The following CFAP299 variants were observed in gnomAD, a reference collection of about 807,000 sequenced individuals.
CFAP299 encodes the protein cilia and flagella associated protein 299.
Under a neutral mutation model 27.0 loss-of-function variants are expected in CFAP299, and 21 were observed. The observed-to-expected ratio is 0.78, with a 90% CI of 0.55 to 1.12. CFAP299 has a LOEUF of 1.12. CFAP299 is among the 50% of genes most tolerant of loss of function. The pLI, the probability that CFAP299 is intolerant of heterozygous loss-of-function variation, is 0.00. For missense variants in CFAP299, 310 were observed against 276.6 expected (o/e 1.12, Z -0.86); for synonymous variants, 104 against 98.1 (o/e 1.06, Z -0.36).
chr4:80,323,204 G>A, the CFAP299 span, among the ~76,000 whole-genome samples: 2 of 152,200 alleles, frequency 1.3e-5, no homozygotes, highest in African/African-American at 2.4e-5. Flanking sequence ...CTCCTGAACA[G>A]TGATTGGAAG....
intron 2 of CFAP299, among the ~76,000 whole-genome samples, chr4:80,410,847 T>C (rs1297057890): frequency 6.6e-6 from 1 of 150,862 alleles, no homozygotes; most frequent in Non-Finnish European, 1.5e-5. Context: ...TGCTTGTCTG[T>C]TTTTTTTTCT....
At chr4:80,719,391 C>T (rs772193057) in intron 3 of CFAP299, among the ~76,000 whole-genome samples, 6 of 152,074 alleles carry the variant, frequency 3.9e-5, no homozygotes, top group Non-Finnish European at 7.4e-5. Flanking sequence ...ATTTTTGTTT[C>T]TCTTGGGTCT....
At chr4:80,839,240 C>A (rs1203141459) in intron 3 of CFAP299, among the ~76,000 whole-genome samples, 1 of 152,084 alleles carries the variant, frequency 6.6e-6, no homozygotes, top group Non-Finnish European at 1.5e-5. Flanking sequence ...AACTGATGAG[C>A]AGTATCACAT....
At position 80,498,982 on chromosome 4, in the gene CFAP299, A is replaced by G. The variant is rs530721441; in HGVS notation, c.243-84111A>G. On this transcript the variant is annotated intron_variant, in intron 2 of 5. Transcript: ENST00000358105. ...AGCTGGAGGCCATTATCCTAAGCAA[A>G]CTAATGCAGGAACAGAAAACAAAAC... Among the ~76,000 whole-genome samples the G allele has an allele frequency of 2.6e-4, 39 of 152,286 alleles. 1 individual carries two copies. The highest frequency in any genetic ancestry group is 8.9e-4 in the African/African-American group (37 of 41,556).
At chr4:80,592,757 T>G (rs1736849094) in intron 3 of CFAP299, among the ~76,000 whole-genome samples, 1 of 152,198 alleles carries the variant, frequency 6.6e-6, no homozygotes, top group Non-Finnish European at 1.5e-5. Context: ...AAGTAATATG[T>G]AACAGTTGTA....
intron 3 of CFAP299, among the ~76,000 whole-genome samples, chr4:80,801,830 C>T (rs1248139607): frequency 6.6e-6 from 1 of 152,072 alleles, no homozygotes; most frequent in Admixed American, 6.6e-5. Flanking sequence ...AAATTTAAAA[C>T]CCATTTTGCC....
At chr4:80,777,870 G>A (rs1248457645) in intron 3 of CFAP299, among the ~76,000 whole-genome samples, 1 of 152,062 alleles carries the variant, frequency 6.6e-6, no homozygotes, top group Non-Finnish European at 1.5e-5. Flanking sequence ...GAATAGATGA[G>A]ACAAGATTTA....
chr4:80,664,312 C>T (rs925584627), intron 3 of CFAP299, among the ~76,000 whole-genome samples: 8 of 152,136 alleles, frequency 5.3e-5, no homozygotes, highest in African/African-American at 1.2e-4. Flanking sequence ...CAGGCAGGAA[C>T]GTTTGAGTCT....
chr4:80,593,064 C>T (rs187731021), intron 3 of CFAP299, among the ~76,000 whole-genome samples: 2 of 152,194 alleles, frequency 1.3e-5, no homozygotes, highest in African/African-American at 4.8e-5. Context: ...CTTTTTCCCA[C>T]TATTTTGTCT....
At position 80,398,854 on chromosome 4, in the gene CFAP299, C is replaced by T. The variant is rs182434199; in HGVS notation, c.242+35970C>T. Among the ~76,000 whole-genome samples, 953 of 152,108 alleles carry T rather than the reference C, an allele frequency of 6.3e-3. 2 individuals carry two copies. Among genetic ancestry groups the T allele is most frequent in the Middle Eastern group, 0.024 (7 of 294 alleles). On this transcript the variant is annotated intron_variant, in intron 2 of 5. Transcript: ENST00000358105. ...AATTGACAAATGGGATCTAATGAAACGAAAGAGCTTCTGCACAGCAAAAGA... is the reference window on the plus strand; with the variant it reads ...AATTGACAAATGGGATCTAATGAAATGAAAGAGCTTCTGCACAGCAAAAGA...
intron 2 of CFAP299, among the ~76,000 whole-genome samples, chr4:80,498,890 T>C (rs910475219): frequency 5.3e-5 from 8 of 152,172 alleles, no homozygotes; most frequent in Non-Finnish European, 7.4e-5. Flanking sequence ...GTGGTACCTA[T>C]ACAACATGGA....
intron 3 of CFAP299, among the ~76,000 whole-genome samples, chr4:80,600,327 T>C (rs1262187003): frequency 6.6e-6 from 1 of 152,114 alleles, no homozygotes; most frequent in East Asian, 1.9e-4. Flanking sequence ...TTTTACCCTT[T>C]TGCTAAATCC....
At chr4:80,845,375 T>C (rs1471323181) in intron 3 of CFAP299, among the ~76,000 whole-genome samples, 1 of 152,118 alleles carries the variant, frequency 6.6e-6, no homozygotes, top group African/African-American at 2.4e-5. Flanking sequence ...TCAATGACTT[T>C]TATTGCATTT....
At chr4:80,811,528 A>G (rs1005087466) in intron 3 of CFAP299, among the ~76,000 whole-genome samples, 22 of 152,130 alleles carry the variant, frequency 1.4e-4, no homozygotes, top group African/African-American at 5.3e-4. Context: ...CACGGGTTTG[A>G]TCTCCTTTAT....
chr4:80,951,327 A>C (rs1330065983), intron 5 of CFAP299, among the ~76,000 whole-genome samples: 1 of 152,178 alleles, frequency 6.6e-6, no homozygotes, highest in Non-Finnish European at 1.5e-5. Context: ...GAGTGTCACA[A>C]GGTTTGGAAG....
chr4:80,446,184 G>A (rs1290160175), intron 2 of CFAP299, among the ~76,000 whole-genome samples: 1 of 152,162 alleles, frequency 6.6e-6, no homozygotes, highest in African/African-American at 2.4e-5. Flanking sequence ...ATCAGTGAAG[G>A]CCTCAGCCAA....
At chr4:80,838,091 A>G (rs887587680) in intron 3 of CFAP299, among the ~76,000 whole-genome samples, 2 of 151,478 alleles carry the variant, frequency 1.3e-5, no homozygotes, top group African/African-American at 4.8e-5. Context: ...GTGTCCTTCG[A>G]CCACTTTTTG....
chr4:80,923,242 G>A (rs1318863482), intron 4 of CFAP299, among the ~76,000 whole-genome samples: 2 of 152,048 alleles, frequency 1.3e-5, no homozygotes, highest in Non-Finnish European at 2.9e-5. Context: ...AGTTTGTGGA[G>A]TTAGAGTTGA....
chr4:80,594,606 A>C (rs567248659), intron 3 of CFAP299, among the ~76,000 whole-genome samples: 1 of 152,170 alleles, frequency 6.6e-6, no homozygotes, highest in African/African-American at 2.4e-5. Flanking sequence ...ATCATATACC[A>C]TTTTATTTTT....
Sources: gnomAD v4.1 joint callset for allele counts (sites outside exome capture counted in the v4.1 genomes callset) on GRCh38, gnomAD v4.1.1 for gene constraint, MANE v1.5 for transcripts, NCBI Gene and HGNC (gene_info 2026-07-23, HGNC 2026-07-21) for gene names.